Variants in POU6F2 observed in about 807,000 individuals in gnomAD.
POU6F2 encodes POU class 6 homeobox 2.
Under a neutral mutation model 71.3 loss-of-function variants are expected in POU6F2, and 31 were observed. That is an observed-to-expected ratio of 0.43 (90% confidence interval 0.33 to 0.59). The LOEUF (loss-of-function observed/expected upper bound fraction) is 0.59, where lower values mean the gene tolerates loss of function less well. Ranked by LOEUF, POU6F2 falls within the 20% of genes least tolerant of loss-of-function variation. The probability of loss-of-function intolerance (pLI) is 0.04; values close to 1 mark genes in which losing one functional copy is unlikely to be tolerated. For synonymous variants in POU6F2, 347 were observed against 355.7 expected, an observed-to-expected ratio of 0.98 and a Z score of 0.27; for missense variants, 783 against 856.8, an observed-to-expected ratio of 0.91 and a Z score of 1.07.
At chr7:39,377,750 C>T (rs190477529) in intron 5 of POU6F2, among the ~76,000 whole-genome samples, 12 of 152,180 alleles carry the variant, frequency 7.9e-5, no homozygotes, top group African/African-American at 2.9e-4. Flanking sequence ...AGAAATTCCC[C>T]CAAAGAACTA....
intron 4 of POU6F2, among the ~76,000 whole-genome samples, chr7:39,309,566 A>C (rs889096552): frequency 7.2e-5 from 11 of 152,226 alleles, no homozygotes; most frequent in African/African-American, 2.4e-4. Flanking sequence ...CTTTAAAAAA[A>C]ATTTTTTTTC....
intron 2 of POU6F2, among the ~76,000 whole-genome samples, chr7:39,098,963 G>T (rs1023044729): frequency 6.6e-6 from 1 of 152,114 alleles, no homozygotes; most frequent in South Asian, 2.1e-4. Context: ...AGCCCCCAAG[G>T]GTCCTCCTGA....
intron 1 of POU6F2, among the ~76,000 whole-genome samples, chr7:39,006,199 C>A (rs989462668): frequency 6.6e-6 from 1 of 152,144 alleles, no homozygotes; most frequent in Non-Finnish European, 1.5e-5. Flanking sequence ...CGCGGTGGCT[C>A]ACACCTGTAA....
At chr7:39,269,233 G>T (rs1784301915) in intron 4 of POU6F2, among the ~76,000 whole-genome samples, 1 of 152,132 alleles carries the variant, frequency 6.6e-6, no homozygotes, top group South Asian at 2.1e-4. Context: ...TGACCCCAGG[G>T]GAGAGAAGGA....
intron 4 of POU6F2, among the ~76,000 whole-genome samples, chr7:39,275,850 T>C (rs112128008): frequency 1.3e-5 from 2 of 151,794 alleles, no homozygotes; most frequent in Admixed American, 6.6e-5. Flanking sequence ...GCTAGCCATA[T>C]GTAGAAAGCT....
chr7:39,143,300 G>A (rs1186547227), intron 2 of POU6F2, among the ~76,000 whole-genome samples: 1 of 152,090 alleles, frequency 6.6e-6, no homozygotes, highest in Admixed American at 6.6e-5. Flanking sequence ...TTGTGGGCAA[G>A]GCAAGAAACC....
chr7:39,387,944 A>G (rs1375919342), intron 5 of POU6F2, among the ~76,000 whole-genome samples: 1 of 152,220 alleles, frequency 6.6e-6, no homozygotes, highest in Non-Finnish European at 1.5e-5. Context: ...CAGTCATCCA[A>G]TCCATCAACA....
chr7:39,283,020 G>A (rs1784587307), intron 4 of POU6F2, among the ~76,000 whole-genome samples: 1 of 151,824 alleles, frequency 6.6e-6, no homozygotes, highest in Non-Finnish European at 1.5e-5. Context: ...TTTATTCTTA[G>A]GTAACTTCTT....
rs138461664 is a variant in POU6F2, at chr7:39,334,613, T to C, written c.599-5029T>C. Among the ~76,000 whole-genome samples, 657 of 152,278 alleles carry C rather than the reference T, an allele frequency of 4.3e-3. 2 individuals are homozygous for C. The highest frequency in any genetic ancestry group is 6.4e-3 in the Non-Finnish European group (434 of 68,026). ...CAGCCATCTACCTTTTCCCATCGAC[T>C]TTGCAAAACTTCCATCTGCGGGTGC... On this transcript the variant is annotated intron_variant, in intron 4 of 9. Coordinates refer to ENST00000518318, the MANE Select transcript of POU6F2 (RefSeq NM_001370959.1).
intron 4 of POU6F2, among the ~76,000 whole-genome samples, chr7:39,315,667 C>A (rs1251341219): frequency 6.6e-6 from 1 of 152,162 alleles, no homozygotes; most frequent in African/African-American, 2.4e-5. Context: ...CAAACTCTCC[C>A]ACTTATCCCA....
chr7:39,335,671 T>C (rs1253677375), intron 4 of POU6F2, among the ~76,000 whole-genome samples: 2 of 152,240 alleles, frequency 1.3e-5, no homozygotes, highest in Non-Finnish European at 2.9e-5. Flanking sequence ...CATCTATCCA[T>C]ACAGTTGTCT....
At chr7:39,410,681 G>A (rs768521266) in intron 6 of POU6F2, among the ~76,000 whole-genome samples, 41 of 152,290 alleles carry the variant, frequency 2.7e-4, no homozygotes, top group Non-Finnish European at 4.4e-4. Context: ...AGGTTATGAA[G>A]ATTAAATGAG....
rs867501764 is a variant in POU6F2 at position 39,339,497 on chromosome 7, C to T, written c.599-145C>T. On this transcript the variant is annotated intron_variant, in intron 4 of 9. Coordinates refer to ENST00000518318, the MANE Select transcript of POU6F2 (RefSeq NM_001370959.1). ...TTTGTTCTCCCAGTGCCTCACAACACTCTTAAATACCAAAGAGCTTCAGGG... is the reference window on the plus strand; with the variant it reads ...TTTGTTCTCCCAGTGCCTCACAACATTCTTAAATACCAAAGAGCTTCAGGG... 17 of 1,252,682 alleles carry T rather than the reference C, an allele frequency of 1.4e-5. No individual in the cohort carries two copies. In the Admixed American group the frequency reaches 1.7e-4, roughly 13 times the overall value. 77.6% of individuals were successfully genotyped at this position (1,252,682 alleles called of 1,614,324 possible). A position where few individuals can be genotyped will look rare whatever the true frequency, so the allele number is the denominator to read the frequency against.
intron 4 of POU6F2, among the ~76,000 whole-genome samples, chr7:39,268,982 A>T (rs1784298491): frequency 6.6e-6 from 1 of 152,220 alleles, no homozygotes; most frequent in South Asian, 2.1e-4. Context: ...TTATAAGTAC[A>T]AAAAGTCACT....
chr7:39,328,632 G>C (rs1785570591), intron 4 of POU6F2, among the ~76,000 whole-genome samples: 1 of 152,188 alleles, frequency 6.6e-6, no homozygotes, highest in Admixed American at 6.5e-5. Flanking sequence ...AATTTACAAA[G>C]AGAAATATAA....
chr7:39,244,785 A>T (rs903268952), intron 4 of POU6F2, among the ~76,000 whole-genome samples: 3 of 152,100 alleles, frequency 2.0e-5, no homozygotes, highest in Non-Finnish European at 2.9e-5. Flanking sequence ...ACCATCCCCA[A>T]CTCAGAGGAT....
chr7:39,323,859 A>G (rs541427356), intron 4 of POU6F2, among the ~76,000 whole-genome samples: 10 of 152,126 alleles, frequency 6.6e-5, no homozygotes, highest in Non-Finnish European at 1.3e-4. Context: ...CTGTAATCCT[A>G]GCACTTTGGG....
intron 2 of POU6F2, among the ~76,000 whole-genome samples, chr7:39,176,705 C>T (rs1277833923): frequency 1.3e-5 from 2 of 152,160 alleles, no homozygotes; most frequent in African/African-American, 4.8e-5. Flanking sequence ...TGCATGCATA[C>T]AAACACATAC....
intron 4 of POU6F2, among the ~76,000 whole-genome samples, chr7:39,246,831 A>AAG (rs1014315586): frequency 2.0e-5 from 3 of 150,960 alleles, no homozygotes; most frequent in South Asian, 2.1e-4. Flanking sequence ...TTTCTAGCCA[A>AAG]AGAGAGAGAG....
Sources: gnomAD v4.1 joint callset for allele counts (sites outside exome capture counted in the v4.1 genomes callset) on GRCh38, gnomAD v4.1.1 for gene constraint, MANE v1.5 for transcripts, NCBI Gene and HGNC (gene_info 2026-07-23, HGNC 2026-07-21) for gene names.